ADAM32: variants seen among roughly 807,000 people sequenced by gnomAD.
The protein encoded by ADAM32 is disintegrin and metalloproteinase domain-containing protein 32.
ADAM32 carries 89 observed loss-of-function variants against 114.9 expected under a neutral mutation model. That is an observed-to-expected ratio of 0.77 (90% CI 0.65 to 0.92). The LOEUF (loss-of-function observed/expected upper bound fraction) is 0.92. Ranked by LOEUF, ADAM32 falls within the 40% of genes least tolerant of loss-of-function variation. The pLI is 0.00. For missense variants in ADAM32, 870 were observed against 932.8 expected, an observed-to-expected ratio of 0.93 and a Z score of 0.88; for synonymous variants, 285 against 307.5, an observed-to-expected ratio of 0.93 and a Z score of 0.77.
chr8:39,166,371 A>G (rs1025793565), intron 9 of ADAM32: 1 of 152,212 alleles, frequency 6.6e-6, no homozygotes, highest in South Asian at 2.1e-4. Context: ...AATGCAGTCA[A>G]TTCATTCCTT....
At chr8:39,231,736 A>G (rs2129449288) in intron 14 of ADAM32, among the ~76,000 whole-genome samples, 1 of 152,200 alleles carries the variant, frequency 6.6e-6, no homozygotes, top group Middle Eastern at 3.4e-3. Context: ...TTCTTGGTTT[A>G]TATCTCTATT....
At chr8:39,114,385 C>T (rs1182136311) in intron 1 of ADAM32, among the ~76,000 whole-genome samples, 1 of 152,210 alleles carries the variant, frequency 6.6e-6, no homozygotes, top group Non-Finnish European at 1.5e-5. Flanking sequence ...GAAAAGGCTG[C>T]AAGCCTCTGA....
In ADAM32 at chr8:39,180,815, G is replaced by A. The variant is rs556251333; in HGVS notation, c.916-6094G>A. Among the ~76,000 whole-genome samples, 3 of 152,006 alleles carry A rather than the reference G, an allele frequency of 2.0e-5. No homozygotes were observed. The East Asian group carries it at 5.8e-4, about 29-fold the overall frequency. ...TCAGGGATTGTAAATACACCAATTGGCACTCTGTATCTAGCTCAAGGTTTG... is the reference window on the plus strand; with the variant it reads ...TCAGGGATTGTAAATACACCAATTGACACTCTGTATCTAGCTCAAGGTTTG... On this transcript the variant is annotated intron_variant, in intron 10 of 24. Coordinates refer to ENST00000379907, the MANE Select transcript of ADAM32 (RefSeq NM_145004.7).
rs372490169 is a variant in ADAM32, at chr8:39,211,131, G to C, written c.1053-13G>C. The C allele has an allele frequency of 9.9e-6, 15 of 1,518,852 alleles. No homozygotes were observed. The African/African-American group carries it at 2.0e-4, about 20-fold the overall frequency. 94.1% of individuals were successfully genotyped at this position (1,518,852 alleles called of 1,614,324 possible). A position where few individuals can be genotyped will look rare whatever the true frequency, so the allele number is the denominator to read the frequency against. Reference sequence around the variant, plus strand: ...AGTATACTGCCAATGACATTATATGGATTCATCTTTAGGCAATCCAATGGT... The same window carrying C: ...AGTATACTGCCAATGACATTATATGCATTCATCTTTAGGCAATCCAATGGT... On this transcript the variant is annotated splice_polypyrimidine_tract_variant and intron_variant, in intron 11 of 24. Coordinates refer to ENST00000379907, the MANE Select transcript of ADAM32 (RefSeq NM_145004.7).
At chr8:39,263,547 C>A (rs1007907001) in intron 19 of ADAM32, among the ~76,000 whole-genome samples, 3 of 151,782 alleles carry the variant, frequency 2.0e-5, no homozygotes, top group Admixed American at 6.6e-5. Context: ...TTTTCTTTTG[C>A]GATTGGAATA....
intron 6 of ADAM32, among the ~76,000 whole-genome samples, chr8:39,156,444 T>C (rs1804155527): frequency 1.3e-5 from 2 of 152,244 alleles, no homozygotes; most frequent in Admixed American, 1.3e-4. Flanking sequence ...TGCACCCAGC[T>C]ATAATAATAT....
chr8:39,263,016 T>A (rs1812141493), intron 19 of ADAM32, among the ~76,000 whole-genome samples: 1 of 152,166 alleles, frequency 6.6e-6, no homozygotes. Context: ...AGGTGTTCTG[T>A]TTACGATTCA....
chr8:39,270,959 A>G (rs925229782), intron 20 of ADAM32, 45 bp downstream of exon 20: 2 of 1,547,916 alleles, frequency 1.3e-6, no homozygotes, highest in Non-Finnish European at 1.8e-6. Context: ...TTGAAAATTA[A>G]GAGTTAATTG....
chr8:39,223,101 A>T lies in ADAM32; in HGVS notation c.1388A>T (p.Asn463Ile), dbSNP rs766440394. 2.5e-6 allele frequency: 4 copies of T among 1,594,108 alleles called. No homozygotes were observed. The South Asian group carries it at 4.6e-5, about 18-fold the overall frequency. The change falls in exon 14 of 25, where the codon AAT (asparagine) becomes ATT (isoleucine). Residue 463 changes from asparagine (N) to isoleucine (I), a missense_variant. Coordinates refer to ENST00000379907, the MANE Select transcript of ADAM32 (RefSeq NM_145004.7). The stretch of plus-strand genomic sequence containing the variant: ...CATCCTGAATGTGACATCGCTGAAA[A>T]TTGTAATGGAACCTCACCAGAATGT... ...KAHPECDIAE[N>I]CNGTSPECGP...
At chr8:39,140,913 C>A (rs906747337) in intron 3 of ADAM32, among the ~76,000 whole-genome samples, 1 of 152,160 alleles carries the variant, frequency 6.6e-6, no homozygotes, top group African/African-American at 2.4e-5. Context: ...TTATCCATTT[C>A]TTCTAGATTT....
chr8:39,158,910 G>C (rs34019150), intron 6 of ADAM32, among the ~76,000 whole-genome samples: 429 of 152,104 alleles, frequency 2.8e-3, no homozygotes, highest in South Asian at 5.4e-3. Flanking sequence ...ATTTGGTGAA[G>C]TATCATTCTT....
In ADAM32 at chr8:39,167,587, T is replaced by C. The variant is rs574530822; in HGVS notation, c.834-2329T>C. 3 of 152,194 alleles carry C rather than the reference T, an allele frequency of 2.0e-5. No individual in the cohort carries two copies. In the South Asian group the frequency reaches 6.2e-4, roughly 32 times the overall value. The allele number at this position is 152,194 out of a possible 1,614,324, so 9.4% of individuals were successfully genotyped here. On this transcript the variant is annotated intron_variant, in intron 9 of 24. Transcript: ENST00000379907. ...TTTCTAATTCTGTGAAGAATGATGG[T>C]GGTATTTTGATGGGGATTGAATTGA...
At chr8:39,145,076 A>C (rs957542478) in intron 3 of ADAM32, among the ~76,000 whole-genome samples, 4 of 152,242 alleles carry the variant, frequency 2.6e-5, no homozygotes, top group Non-Finnish European at 5.9e-5. Flanking sequence ...CAATAGCTAC[A>C]AAAAATAAAA....
intron 11 of ADAM32, among the ~76,000 whole-genome samples, chr8:39,199,441 A>G (rs1807228746): frequency 3.3e-5 from 5 of 152,188 alleles, no homozygotes. Context: ...CTCTGTCTTC[A>G]AGTTCAGAAA....
chr8:39,120,691 G>A (rs1284914926), intron 2 of ADAM32, among the ~76,000 whole-genome samples: 1 of 149,948 alleles, frequency 6.7e-6, no homozygotes, highest in African/African-American at 2.5e-5. Flanking sequence ...GAACCCAGGA[G>A]GCAGAGGTTG....
chr8:39,210,775 A>G (rs1585549058), intron 11 of ADAM32, among the ~76,000 whole-genome samples: 1 of 152,306 alleles, frequency 6.6e-6, no homozygotes, highest in African/African-American at 2.4e-5. Context: ...TAAGCACATT[A>G]TCATTTGTTT....
chr8:39,203,006 A>G (rs1057388104), intron 11 of ADAM32, among the ~76,000 whole-genome samples: 1 of 152,194 alleles, frequency 6.6e-6, no homozygotes, highest in African/African-American at 2.4e-5. Flanking sequence ...ACAGTTTGTT[A>G]TAATTTCTAT....
intron 11 of ADAM32, among the ~76,000 whole-genome samples, chr8:39,201,006 A>T (rs1333180083): frequency 2.0e-5 from 3 of 152,098 alleles, no homozygotes; most frequent in Non-Finnish European, 2.9e-5. Flanking sequence ...TACCAGTATC[A>T]TGCTGTTTTG....
intron 3 of ADAM32, among the ~76,000 whole-genome samples, chr8:39,146,088 G>T (rs2129445357): frequency 6.6e-6 from 1 of 152,266 alleles, no homozygotes; most frequent in South Asian, 2.1e-4. Flanking sequence ...CACTCAGGAG[G>T]TCATTAGTAA....
Sources: gnomAD v4.1 joint callset for allele counts (sites outside exome capture counted in the v4.1 genomes callset) on GRCh38, gnomAD v4.1.1 for gene constraint, MANE v1.5 for transcripts, NCBI Gene and HGNC (gene_info 2026-07-23, HGNC 2026-07-21) for gene names.